The following DACT2 variants were observed in gnomAD, a reference collection of about 807,000 sequenced individuals.
DACT2 encodes the protein dishevelled binding antagonist of beta catenin 2, also known as dapper homolog 2.
Under a neutral mutation model 22.2 loss-of-function variants are expected in DACT2, and 20 were observed. The ratio of observed to expected loss-of-function variants is 0.90; its 90% CI spans 0.63 to 1.31. The LOEUF is 1.31. Ranked by LOEUF, DACT2 falls within the 50% of genes most tolerant of loss-of-function variation. The pLI, the probability that DACT2 is intolerant of heterozygous loss-of-function variation, is 0.00. For missense variants in DACT2, 1,048 were observed against 1,061.4 expected, an observed-to-expected ratio of 0.99 and a Z score of 0.18; for synonymous variants, 463 against 479.8, an observed-to-expected ratio of 0.96 and a Z score of 0.46.
At position 168,308,476 on chromosome 6, in the gene DACT2, G is replaced by A. The variant is rs1779291378; in HGVS notation, c.1281C>T (p.Pro427=). 4.5e-6 allele frequency: 7 copies of A among 1,551,484 alleles called. No individual in the cohort carries two copies. Among genetic ancestry groups the A allele is most frequent in the Non-Finnish European group, 6.1e-6 (7 of 1,146,954 alleles). Residue 427 remains proline (P), a synonymous_variant, in exon 4 of 4, where the codon CCC becomes CCT. Coordinates refer to ENST00000366795, the MANE Select transcript of DACT2 (RefSeq NM_214462.5). ...TCTCCCTGAGGACACAGCTGTTTGAGGGCTTGGAGCCCTCCTCTGGAAGGC... is the reference window on the plus strand; with the variant it reads ...TCTCCCTGAGGACACAGCTGTTTGAAGGCTTGGAGCCCTCCTCTGGAAGGC... ...SGSLPEEGSK[P]SNSCVLRETM... is the part of the protein sequence containing the mutation.
Position 168,307,266 on chromosome 6 carries a change from G to C in DACT2, c.*166C>G. Reference sequence around the variant, plus strand: ...GTCTTTGCTGGGGCGGGGACTCACGGCCATACTCCACAGGGCAGAACCCAT... The same window carrying C: ...GTCTTTGCTGGGGCGGGGACTCACGCCCATACTCCACAGGGCAGAACCCAT... On this transcript the variant is annotated 3_prime_UTR_variant, in exon 4 of 4. Coordinates refer to ENST00000366795, the MANE Select transcript of DACT2 (RefSeq NM_214462.5). This position sits in a 1 kb window ranked among gnomAD's most constrained non-coding sequence, Gnocchi z 5.3. 7.0e-7 allele frequency: 1 copy of C among 1,436,636 alleles called. No homozygotes were observed. The highest frequency in any genetic ancestry group is 2.6e-4 in the Middle Eastern group (1 of 3,888). The allele number at this position is 1,436,636 out of a possible 1,614,324, so 89.0% of individuals were successfully genotyped here. A position where few individuals can be genotyped will look rare whatever the true frequency, so the allele number is the denominator to read the frequency against.
At chr6:168,297,735 C>A (rs536573255) in intron 3 of DACT2, among the ~76,000 whole-genome samples, 2 of 152,308 alleles carry the variant, frequency 1.3e-5, no homozygotes, top group South Asian at 4.1e-4. Flanking sequence ...CTTGCGTGGA[C>A]AGAAAGACAG....
At chr6:168,306,048 T>A (rs1779197922), downstream of DACT2, among the ~76,000 whole-genome samples, 1 of 152,170 alleles carries the variant, frequency 6.6e-6, no homozygotes, top group Non-Finnish European at 1.5e-5. Context: ...CAGCCTCCCC[T>A]CACCTACGCT....
intron 3 of DACT2, chr6:168,300,687 AT>A (rs1270795541): frequency 6.6e-6 from 1 of 152,154 alleles, no homozygotes; most frequent in African/African-American, 2.4e-5. Flanking sequence ...GAATATTCTG[AT>A]TTCAGTAAGA....
chr6:168,319,703 A>G lies in DACT2; in HGVS notation c.-70T>C. 2 of 1,188,396 alleles carry G rather than the reference A, an allele frequency of 1.7e-6. No individual in the cohort carries two copies. The highest frequency in any genetic ancestry group is 2.1e-6 in the Non-Finnish European group (2 of 959,560). 73.6% of individuals were successfully genotyped at this position (1,188,396 alleles called of 1,614,324 possible). A position where few individuals can be genotyped will look rare whatever the true frequency, so the allele number is the denominator to read the frequency against. ...GGAGGCCCAGCGCGCGCGGATCCCG[A>G]GCTGTGTCGCGGGTCCTCCTGCGCC... is the stretch of plus-strand genomic sequence containing the variant. On this transcript the variant is annotated 5_prime_UTR_variant, in exon 1 of 4. Transcript: ENST00000366795.
rs772898200 is a variant in DACT2, at chr6:168,308,108, G to T, written c.1649C>A (p.Pro550Gln). The T allele has an allele frequency of 2.2e-5, 34 of 1,546,588 alleles. No homozygotes were observed. The highest frequency in any genetic ancestry group is 3.0e-5 in the Non-Finnish European group (34 of 1,144,506). The change falls in exon 4 of 4, where the codon CCA becomes CAA. Residue 550 changes from proline (P) to glutamine (Q), a missense_variant. Pro to Gln is a moderately conservative substitution (Grantham distance 76, BLOSUM62 -1). Transcript: ENST00000366795. ...PTGRGGLQRR[P>Q]ALAWEAPGRS... ...CCCGGGTGCCTCCCAGGCCAGGGCT[G>T]GCCTCCGCTGGAGCCCGCCCCTCCC...
At chr6:168,309,404 C>A (rs999414197) in intron 3 of DACT2, among the ~76,000 whole-genome samples, 7 of 57,122 alleles carry the variant, frequency 1.2e-4, no homozygotes, top group Non-Finnish European at 2.0e-4. Context: ...CTAGACACCG[C>A]ACAGGGCCGT....
chr6:168,305,681 G>A (rs1779191467), downstream of DACT2, among the ~76,000 whole-genome samples: 1 of 152,220 alleles, frequency 6.6e-6, no homozygotes, highest in Non-Finnish European at 1.5e-5. Context: ...AGGCTACGGG[G>A]CTGTCGTCAC....
chr6:168,310,446 C>G lies in DACT2; in HGVS notation c.380G>C (p.Gly127Ala). ...TCCACCGTCGCTCATCTCGTAAAAG[C>G]CTGGACGGAGCAGACAAGGCAGGTC... ...ALDSDSRPSS[G>A]FYEMSDGGSC... Residue 127 changes from glycine to alanine, a missense_variant and splice_region_variant, in exon 3 of 4, where the codon GGC becomes GCC. Physicochemically the swap from Gly to Ala is moderately conservative, Grantham distance 60 (BLOSUM62 0). Transcript: ENST00000366795. The G allele has an allele frequency of 6.5e-7, 1 of 1,548,890 alleles. No individual in the cohort carries two copies. Among genetic ancestry groups the G allele is most frequent in the Non-Finnish European group, 8.7e-7 (1 of 1,146,176 alleles).
In DACT2 at chr6:168,309,067, C is replaced by A; in HGVS notation, c.690G>T (p.Thr230=). The A allele has an allele frequency of 1.3e-6, 2 of 1,535,806 alleles. No homozygotes were observed. The highest frequency in any genetic ancestry group is 1.2e-5 in the South Asian group (1 of 83,692). ...CGTCCGCGCTGGCTTTCTGGAGCCC[C>A]GTGTCCGCCGGCAGGGCTCTGTCAA... ...GDLDRALPAD[T]GLQKASADAE... is the part of the protein sequence containing the mutation. The change falls in exon 4 of 4, where the codon ACG becomes ACT. Residue 230 remains threonine (T), a synonymous_variant. Transcript: ENST00000366795.
At chr6:168,310,565 C>T (rs759644016) in intron 2 of DACT2, 119 bp from the exon 3 acceptor site, 57 of 1,351,536 alleles carry the variant, frequency 4.2e-5, no homozygotes, top group Middle Eastern at 4.4e-4. Flanking sequence ...CTGAGGCTAC[C>T]GGAGGCTGTG....
Position 168,306,990 on chromosome 6 carries a change from T to C in DACT2, c.*442A>G. 1 of 998,570 alleles carries C rather than the reference T, an allele frequency of 1.0e-6. No individual in the cohort carries two copies. The highest frequency in any genetic ancestry group is 1.2e-6 in the Non-Finnish European group (1 of 837,756). The allele number at this position is 998,570 out of a possible 1,614,324, so 61.9% of individuals were successfully genotyped here. A position where few individuals can be genotyped will look rare whatever the true frequency, so the allele number is the denominator to read the frequency against. Reference sequence around the variant, plus strand: ...GTATGCTGACAGCTTAACGTGGAGTTTAAACTCAAATTCAATTTCCAGCTC... The same window carrying C: ...GTATGCTGACAGCTTAACGTGGAGTCTAAACTCAAATTCAATTTCCAGCTC... On this transcript the variant is annotated 3_prime_UTR_variant, in exon 4 of 4. Transcript: ENST00000366795.
downstream of DACT2, among the ~76,000 whole-genome samples, chr6:168,304,145 G>T (rs1779157303): frequency 6.6e-6 from 1 of 152,168 alleles, no homozygotes; most frequent in Non-Finnish European, 1.5e-5. Flanking sequence ...CTTGAAGTCT[G>T]CCCCCGTCAT....
chr6:168,316,264 C>CCATCA (rs201245708), intron 1 of DACT2, among the ~76,000 whole-genome samples: 12,247 of 150,290 alleles, frequency 0.081, 479 homozygotes, highest in Middle Eastern at 0.12. Context: ...ACCTCCCTTC[C>CCATCA]CATGTGTGTA....
downstream of DACT2, among the ~76,000 whole-genome samples, chr6:168,304,148 C>G (rs988656939): frequency 6.6e-5 from 10 of 152,190 alleles, no homozygotes. Context: ...GAAGTCTGCC[C>G]CCGTCATCTA....
intron 1 of DACT2, among the ~76,000 whole-genome samples, chr6:168,312,472 C>G (rs1379410611): frequency 6.6e-6 from 1 of 152,350 alleles, no homozygotes; most frequent in South Asian, 2.1e-4. Context: ...GCTGGGATTA[C>G]AGGCATGTGC....
chr6:168,308,165 G>C lies in DACT2; in HGVS notation c.1592C>G (p.Ser531Cys), dbSNP rs969956088. Residue 531 changes from serine (S) to cysteine (C), a missense_variant, in exon 4 of 4, where the codon TCC becomes TGC. By Grantham distance (112) the Ser-to-Cys change is moderately radical (BLOSUM62 -1). Transcript: ENST00000366795. Reference sequence around the variant, plus strand: ...CCAGTGGGCAGGGTCCCACTCCAGGGATGGCTGGGGGGCTGCATGGGCTCC... The same window carrying C: ...CCAGTGGGCAGGGTCCCACTCCAGGCATGGCTGGGGGGCTGCATGGGCTCC... ...PEGAHAAPQP[S>C]LEWDPAHWPT... 7 of 1,550,896 alleles carry C rather than the reference G, an allele frequency of 4.5e-6. No homozygotes were observed. In the Admixed American group the frequency reaches 1.4e-4, roughly 30 times the overall value.
chr6:168,319,603 C>A lies in DACT2; in HGVS notation c.31G>T (p.Ala11Ser). ...CCCAACCTACGGCGGTCCCAGCCCG[C>A]GGACCCCGGGGGTCCGCCCGGCGTC... is the stretch of plus-strand genomic sequence containing the variant. MWTPGGPPGSAGWDRRRLGAR... is the reference protein window; with the variant it reads MWTPGGPPGSSGWDRRRLGAR... Residue 11 changes from alanine (A) to serine (S), a missense_variant, in exon 1 of 4, where the codon GCG becomes TCG. Ala to Ser is a moderately conservative substitution (Grantham distance 99). Coordinates refer to ENST00000366795, the MANE Select transcript of DACT2 (RefSeq NM_214462.5). The A allele has an allele frequency of 7.5e-7, 1 of 1,340,342 alleles. No homozygotes were observed. Among genetic ancestry groups the A allele is most frequent in the Non-Finnish European group, 9.6e-7 (1 of 1,040,636 alleles). The allele number at this position is 1,340,342 out of a possible 1,614,324, so 83.0% of individuals were successfully genotyped here.
At chr6:168,304,812 CTCCTG>C (rs1439821889), downstream of DACT2, among the ~76,000 whole-genome samples, 1 of 152,228 alleles carries the variant, frequency 6.6e-6, no homozygotes, top group Non-Finnish European at 1.5e-5. Context: ...CAGAGCTGTC[CTCCTG>C]TCCTGGGCTG....
Sources: gnomAD v4.1 joint callset for allele counts (sites outside exome capture counted in the v4.1 genomes callset) on GRCh38, gnomAD v4.1.1 for gene constraint, Gnocchi (gnomAD v3.1) non-coding constraint, MANE v1.5 for transcripts, NCBI Gene and HGNC (gene_info 2026-07-23, HGNC 2026-07-21) for gene names.